HCLS1: variants seen among roughly 807,000 people sequenced by gnomAD.
HCLS1 encodes hematopoietic cell-specific Lyn substrate 1, also known as hematopoietic lineage cell-specific protein.
HCLS1 carries 44 observed loss-of-function variants against 68.6 expected under a neutral mutation model. That is an observed-to-expected ratio of 0.64 (90% CI 0.50 to 0.82). HCLS1 has a LOEUF of 0.82. HCLS1 is among the 40% of genes least tolerant of loss of function. The pLI is 0.00. For missense variants in HCLS1, 602 were observed against 612.1 expected (o/e 0.98, Z 0.17); for synonymous variants, 217 against 225.8 (o/e 0.96, Z 0.35).
At chr3:121,654,860 C>CAGAT (rs1937826720) in intron 3 of HCLS1, among the ~76,000 whole-genome samples, 1 of 152,184 alleles carries the variant, frequency 6.6e-6, no homozygotes, top group Non-Finnish European at 1.5e-5. Context: ...TGATTCCCAT[C>CAGAT]AGATGTTAAA....
At chr3:121,657,085 A>G in intron 3 of HCLS1, 194 bp downstream of exon 3, 1 of 535,104 alleles carries the variant, frequency 1.9e-6, no homozygotes, top group East Asian at 2.9e-5. Context: ...GGGTAAGAGG[A>G]GAGACATAAA....
At chr3:121,633,629 T>C (rs577240147) in intron 10 of HCLS1, among the ~76,000 whole-genome samples, 1 of 152,260 alleles carries the variant, frequency 6.6e-6, no homozygotes, top group African/African-American at 2.4e-5. Context: ...CCTCAAACTC[T>C]TGGGCTCAAA....
At chr3:121,649,772 A>G (rs1359100274) in intron 3 of HCLS1, among the ~76,000 whole-genome samples, 3 of 152,226 alleles carry the variant, frequency 2.0e-5, no homozygotes, top group Non-Finnish European at 4.4e-5. Flanking sequence ...AAGACTTTGT[A>G]TTGATAAAGC....
rs757006680 is a variant in HCLS1, at chr3:121,644,844, C to T, written c.373G>A (p.Gly125Arg). Residue 125 changes from glycine (G) to arginine (R), a missense_variant, in exon 5 of 14, where the codon GGA becomes AGA. Transcript: ENST00000314583. ...DAAKGFGGKY[G>R]VERDRADKSA... The stretch of plus-strand genomic sequence containing the variant: ...TTGTCTGCCCTGTCCCTCTCAACTC[C>T]GTACTTGCCCCCAAAGCCTTTGGCA... 1.1e-5 allele frequency: 17 copies of T among 1,613,740 alleles called. No homozygotes were observed. The highest frequency in any genetic ancestry group is 1.6e-4 in the Middle Eastern group (1 of 6,084).
chr3:121,644,538 TGAGTATAATA>T, intron 5 of HCLS1: 2 of 529,292 alleles, frequency 3.8e-6, no homozygotes, highest in Non-Finnish European at 7.2e-6. Context: ...TTCATGCATA[TGAGTATAATA>T]AAAACCAGTG....
intron 7 of HCLS1, among the ~76,000 whole-genome samples, 167 bp from the exon 8 acceptor site, chr3:121,636,656 G>A (rs1324571356): frequency 6.6e-6 from 1 of 152,160 alleles, no homozygotes; most frequent in African/African-American, 2.4e-5. Flanking sequence ...AACAGATGGG[G>A]AAAAAATCTG....
intron 6 of HCLS1, among the ~76,000 whole-genome samples, chr3:121,642,303 CA>C (rs34223359): frequency 0.021 from 2,688 of 127,366 alleles, 61 homozygotes; most frequent in African/African-American, 0.07. Context: ...ACTAAAAATA[CA>C]AAAAAAAAAA....
At chr3:121,646,651 A>G (rs1937611836) in intron 4 of HCLS1, among the ~76,000 whole-genome samples, 1 of 118,078 alleles carries the variant, frequency 8.5e-6, no homozygotes, top group Non-Finnish European at 1.6e-5. Context: ...TATATTATAT[A>G]TACTTATAAT....
chr3:121,637,038 C>G (rs1198607454), intron 7 of HCLS1, 108 bp downstream of exon 7: 1 of 755,922 alleles, frequency 1.3e-6, no homozygotes, highest in Non-Finnish European at 2.4e-6. Context: ...ACCCCCTGCT[C>G]TGCACATCTG....
At position 121,642,841 on chromosome 3, in the gene HCLS1, C is replaced by T; in HGVS notation, c.454+86G>A. On this transcript the variant is annotated intron_variant, in intron 6 of 13. Transcript: ENST00000314583. ...GCGCTGGGTCATGGAAGTTAAAAAG[C>T]TGATGACAACTGCTGGAAGATAAAG... The T allele has an allele frequency of 4.8e-6, 5 of 1,038,076 alleles. No individual in the cohort carries two copies. The South Asian group carries it at 6.3e-5, about 13-fold the overall frequency. 64.3% of individuals were successfully genotyped at this position (1,038,076 alleles called of 1,614,324 possible).
In HCLS1 at chr3:121,657,270, G is replaced by A. The variant is rs762434372; in HGVS notation, c.158+9C>T. 19 of 1,610,196 alleles carry A rather than the reference G, an allele frequency of 1.2e-5. No individual in the cohort carries two copies. The highest frequency in any genetic ancestry group is 5.0e-5 in the Admixed American group (3 of 59,762). On this transcript the variant is annotated intron_variant, in intron 3 of 13. Transcript: ENST00000314583. The stretch of plus-strand genomic sequence containing the variant: ...CCCCTTCCTTTTCTCCAGTCCTTTC[G>A]GCACCTACTTGATGTGTTCTGTGCG...
Position 121,642,798 on chromosome 3 carries a change from A to C in HCLS1, c.454+129T>G. The C allele has an allele frequency of 6.5e-6, 5 of 767,674 alleles. No homozygotes were observed. The Middle Eastern group carries it at 1.2e-3, about 185-fold the overall frequency. The allele number at this position is 767,674 out of a possible 1,614,324, so 47.6% of individuals were successfully genotyped here. A position where few individuals can be genotyped will look rare whatever the true frequency, so the allele number is the denominator to read the frequency against. ...CTCAAAAACAAACAAATGAACAAAA[A>C]GTAAATAAAATAGTGGTGCGCTGGG... On this transcript the variant is annotated intron_variant, in intron 6 of 13. Transcript: ENST00000314583.
intron 3 of HCLS1, among the ~76,000 whole-genome samples, chr3:121,654,801 C>T (rs1937825661): frequency 6.6e-6 from 1 of 152,164 alleles, no homozygotes; most frequent in South Asian, 2.1e-4. Context: ...TTAGCATCTA[C>T]AGCTACTGTT....
rs201534688 is a variant in HCLS1, at chr3:121,657,589, G to A, written c.85-237C>T. Among the ~76,000 whole-genome samples the A allele has an allele frequency of 2.8e-4, 42 of 152,272 alleles. 1 individual carries two copies. In the East Asian group the frequency reaches 5.8e-3, roughly 21 times the overall value. ...CTAGCATTTTAGGAGGCCGAGGCGGGTGGATCTCTTTAGGTCAGGAGCTCA... is the reference window on the plus strand; with the variant it reads ...CTAGCATTTTAGGAGGCCGAGGCGGATGGATCTCTTTAGGTCAGGAGCTCA... On this transcript the variant is annotated intron_variant, in intron 2 of 13. Transcript: ENST00000314583.
chr3:121,635,836 G>T, intron 8 of HCLS1, 32 bp from the exon 9 acceptor site: 1 of 1,593,832 alleles, frequency 6.3e-7, no homozygotes, highest in Non-Finnish European at 8.6e-7. Flanking sequence ...GTGTGTTGCG[G>T]GAGAGGGGCA....
At chr3:121,635,190 C>CTTTCTTTCT (rs1479880434) in intron 9 of HCLS1, among the ~76,000 whole-genome samples, 1 of 151,518 alleles carries the variant, frequency 6.6e-6, no homozygotes, top group Non-Finnish European at 1.5e-5. Context: ...GACTTTCTCT[C>CTTTCTTTCT]TTTCTTTCTT....
chr3:121,632,639 G>A (rs965352550), intron 11 of HCLS1, 76 bp from the exon 12 acceptor site: 44 of 1,288,014 alleles, frequency 3.4e-5, no homozygotes, highest in South Asian at 1.0e-4. Flanking sequence ...AAGATCCCCC[G>A]CCCTTCACCA....
chr3:121,632,196 G>C lies in HCLS1; in HGVS notation c.1241-12C>G, dbSNP rs774338969. 1 of 1,613,436 alleles carries C rather than the reference G, an allele frequency of 6.2e-7. No individual in the cohort carries two copies. The highest frequency in any genetic ancestry group is 1.7e-5 in the Admixed American group (1 of 59,964). On this transcript the variant is annotated splice_polypyrimidine_tract_variant and intron_variant, in intron 12 of 13. Transcript: ENST00000314583. ...GCAGCCTGATGATCCTGCATAATGA[G>C]AAACACAAACATGGGATCATCAACA...
rs1274835130 is a variant in HCLS1 at position 121,631,959 on chromosome 3, C to G, written c.1348G>C (p.Asp450His). ...QGEGSDELSF[D>H]PDDVITDIEM... ...ATGTCAGTGATTACGTCGTCCGGAT[C>G]AAAGGAAAGCTCATCACTTCCCTCT... The change falls in exon 14 of 14, where the codon GAT (aspartate) becomes CAT (histidine). Residue 450 changes from aspartate to histidine, a missense_variant. Coordinates refer to ENST00000314583, the MANE Select transcript of HCLS1 (RefSeq NM_005335.6). The G allele has an allele frequency of 6.8e-6, 11 of 1,614,070 alleles. No homozygotes were observed. Among genetic ancestry groups the G allele is most frequent in the Non-Finnish European group, 9.3e-6 (11 of 1,180,038 alleles).
Sources: allele counts gnomAD v4.1 joint callset (sites outside exome capture counted in the v4.1 genomes callset), GRCh38; gene constraint gnomAD v4.1.1; transcripts MANE v1.5; gene names NCBI Gene and HGNC (gene_info 2026-07-23, HGNC 2026-07-21).